ARHGAP26: variants seen among roughly 807,000 people sequenced by gnomAD.
ARHGAP26 encodes Rho GTPase activating protein 26.
ARHGAP26 carries 38 observed loss-of-function variants against 104.8 expected under a neutral mutation model. That is an observed-to-expected ratio of 0.36 (90% CI 0.28 to 0.48). ARHGAP26 has a LOEUF of 0.48. Among genes scored for constraint, ARHGAP26 ranks in the 20% least tolerant of loss-of-function variants. The pLI is 0.99. For synonymous variants in ARHGAP26, 341 were observed against 340.0 expected (o/e 1.00, Z -0.03); for missense variants, 704 against 947.9 (o/e 0.74, Z 3.38).
chr5:142,867,796 C>G (rs1261932525), intron 1 of ARHGAP26: 1 of 152,184 alleles, frequency 6.6e-6, no homozygotes, highest in Non-Finnish European at 1.5e-5. Context: ...GAAGCACATT[C>G]CCACATATAT....
intron 5 of ARHGAP26, among the ~76,000 whole-genome samples, chr5:142,893,768 C>T (rs539393952): frequency 2.2e-4 from 34 of 152,188 alleles, no homozygotes; most frequent in Non-Finnish European, 4.4e-4. Context: ...TAATCTTGAT[C>T]ATAGCCATTG....
chr5:143,037,227 A>AATC lies in ARHGAP26; in HGVS notation c.1178_1180dup (p.Ile393dup). ...AGTTGGACAGCATTGGCTTCAGCAT[A>AATC]ATCAGGAAATGCATCCATGCTGTGG... is the stretch of plus-strand genomic sequence containing the variant. On this transcript the variant is annotated inframe_insertion, in exon 13 of 23. Transcript: ENST00000645722. 6.2e-7 allele frequency: 1 copy of AATC among 1,605,196 alleles called. No individual in the cohort carries two copies. The highest frequency in any genetic ancestry group is 8.5e-7 in the Non-Finnish European group (1 of 1,173,246).
At chr5:142,814,829 A>G (rs75083379) in intron 1 of ARHGAP26, among the ~76,000 whole-genome samples, 4 of 152,310 alleles carry the variant, frequency 2.6e-5, no homozygotes, top group East Asian at 3.9e-4. Flanking sequence ...GGTTGTTGTG[A>G]CAATCAGATG....
intron 1 of ARHGAP26, among the ~76,000 whole-genome samples, chr5:142,803,931 C>T (rs1428981518): frequency 6.6e-6 from 1 of 152,232 alleles, no homozygotes; most frequent in Non-Finnish European, 1.5e-5. Flanking sequence ...TTACACAACA[C>T]TTCCTTTGTG....
At chr5:142,992,649 G>C (rs755929116) in intron 11 of ARHGAP26, among the ~76,000 whole-genome samples, 2 of 151,884 alleles carry the variant, frequency 1.3e-5, no homozygotes, top group Non-Finnish European at 2.9e-5. Context: ...GGATGGTCTC[G>C]ATCTCCTGAC....
intron 11 of ARHGAP26, among the ~76,000 whole-genome samples, chr5:143,012,557 A>ATATATATT (rs1778981479): frequency 1.4e-5 from 1 of 69,496 alleles, no homozygotes; most frequent in Non-Finnish European, 3.7e-5. Context: ...ACATACATAT[A>ATATATATT]TATATATATA....
chr5:143,069,220 A>G (rs1025824096), intron 17 of ARHGAP26, among the ~76,000 whole-genome samples: 2 of 152,176 alleles, frequency 1.3e-5, no homozygotes, highest in South Asian at 2.1e-4. Flanking sequence ...TATCTAATAT[A>G]CTATATATTT....
intron 9 of ARHGAP26, among the ~76,000 whole-genome samples, chr5:142,910,637 G>C (rs987021248): frequency 6.6e-6 from 1 of 152,214 alleles, no homozygotes; most frequent in Non-Finnish European, 1.5e-5. Flanking sequence ...TATTTGGGAG[G>C]CTGAGGCAGG....
At chr5:142,944,001 C>T (rs935493241) in intron 11 of ARHGAP26, among the ~76,000 whole-genome samples, 1 of 152,102 alleles carries the variant, frequency 6.6e-6, no homozygotes, top group African/African-American at 2.4e-5. Flanking sequence ...GGTGGGGGTT[C>T]CTGTGAGTCT....
intron 20 of ARHGAP26, among the ~76,000 whole-genome samples, chr5:143,179,447 A>C (rs1188864929): frequency 6.6e-6 from 1 of 152,156 alleles, no homozygotes; most frequent in Non-Finnish European, 1.5e-5. Flanking sequence ...TTTGTGACTG[A>C]CTTTCTGCTC....
At chr5:143,137,388 G>A (rs755904988) in intron 19 of ARHGAP26, among the ~76,000 whole-genome samples, 4 of 152,194 alleles carry the variant, frequency 2.6e-5, no homozygotes, top group Non-Finnish European at 4.4e-5. Context: ...GACACTTGCC[G>A]TTCATGTCAG....
chr5:143,035,610 G>T (rs1162080588), intron 12 of ARHGAP26, among the ~76,000 whole-genome samples: 1 of 152,116 alleles, frequency 6.6e-6, no homozygotes, highest in East Asian at 1.9e-4. Context: ...GGTGATAGGT[G>T]CATGAAAATC....
intron 1 of ARHGAP26, among the ~76,000 whole-genome samples, chr5:142,783,660 T>A (rs959041026): frequency 2.6e-5 from 4 of 152,146 alleles, no homozygotes; most frequent in African/African-American, 9.7e-5. Flanking sequence ...CCTGGGCAAC[T>A]CATTTCTGGC....
chr5:143,012,011 TA>T (rs1347298780), intron 11 of ARHGAP26, among the ~76,000 whole-genome samples: 1 of 152,188 alleles, frequency 6.6e-6, no homozygotes, highest in Non-Finnish European at 1.5e-5. Context: ...CCACATTTTA[TA>T]GATGAAGAAA....
At chr5:143,215,639 C>T (rs1810225607) in intron 22 of ARHGAP26, among the ~76,000 whole-genome samples, 1 of 152,226 alleles carries the variant, frequency 6.6e-6, no homozygotes, top group South Asian at 2.1e-4. Flanking sequence ...CAACCCATTT[C>T]CATCCAGCCC....
chr5:143,193,003 C>T (rs554664207), intron 20 of ARHGAP26, among the ~76,000 whole-genome samples: 2 of 152,246 alleles, frequency 1.3e-5, no homozygotes, highest in African/African-American at 4.8e-5. Context: ...TACTTATGGT[C>T]AATGACTGTC....
intron 19 of ARHGAP26, among the ~76,000 whole-genome samples, chr5:143,141,564 A>C (rs967465014): frequency 1.3e-5 from 2 of 152,146 alleles, no homozygotes; most frequent in African/African-American, 4.8e-5. Context: ...AAACTCCCTA[A>C]TTGCACCTTT....
At chr5:143,221,722 C>T (rs1442473446) in intron 22 of ARHGAP26, among the ~76,000 whole-genome samples, 1 of 152,138 alleles carries the variant, frequency 6.6e-6, no homozygotes, top group Non-Finnish European at 1.5e-5. Flanking sequence ...AAGGTTTTGC[C>T]ATGTTGCCCA....
At chr5:142,807,085 G>A (rs1241541685) in intron 1 of ARHGAP26, among the ~76,000 whole-genome samples, 1 of 152,202 alleles carries the variant, frequency 6.6e-6, no homozygotes, top group Non-Finnish European at 1.5e-5. Context: ...ACATTCTCCA[G>A]TTAATAATGA....
Sources: allele counts gnomAD v4.1 joint callset (sites outside exome capture counted in the v4.1 genomes callset), GRCh38; gene constraint gnomAD v4.1.1; transcripts MANE v1.5; gene names NCBI Gene and HGNC (gene_info 2026-07-23, HGNC 2026-07-21).